The following ADCY1 variants were observed in gnomAD, a reference collection of about 807,000 sequenced individuals.
The protein encoded by ADCY1 is adenylate cyclase type 1.
A neutral mutation model predicts 105.4 loss-of-function variants in ADCY1; 28 were observed. That is an observed-to-expected ratio of 0.27 (90% CI 0.20 to 0.36). ADCY1 has a LOEUF of 0.36. ADCY1 is among the 10% of genes least tolerant of loss of function. The pLI, the probability that ADCY1 is intolerant of heterozygous loss-of-function variation, is 1.00. For synonymous variants in ADCY1, 655 were observed against 623.8 expected, an observed-to-expected ratio of 1.05 and a Z score of -0.75; for missense variants, 977 against 1,434.2, an observed-to-expected ratio of 0.68 and a Z score of 5.15.
rs2116299198 is a variant in ADCY1, at chr7:45,717,304, C to T, written c.*3309C>T. On this transcript the variant is annotated 3_prime_UTR_variant, in exon 20 of 20. Transcript: ENST00000297323. ...GTCTCCACTTCAGGGGCAAACATCT[C>T]CATCATCAGCAACTCCAAACCCCAG... 1 of 152,492 alleles carries T rather than the reference C, an allele frequency of 6.6e-6. No individual in the cohort carries two copies. The highest frequency in any genetic ancestry group is 2.1e-4 in the South Asian group (1 of 4,818). 9.4% of individuals were successfully genotyped at this position (152,492 alleles called of 1,614,324 possible). A position where few individuals can be genotyped will look rare whatever the true frequency, so the allele number is the denominator to read the frequency against.
intron 2 of ADCY1, among the ~76,000 whole-genome samples, chr7:45,607,119 C>A (rs1793396880): frequency 6.6e-6 from 1 of 152,116 alleles, no homozygotes; most frequent in African/African-American, 2.4e-5. Context: ...GGCTTAGATG[C>A]TGCTGCTAAT....
At chr7:45,679,041 G>A (rs77682771) in intron 10 of ADCY1, among the ~76,000 whole-genome samples, 6,839 of 152,268 alleles carry the variant, frequency 0.045, 402 homozygotes, top group Admixed American at 0.17. Flanking sequence ...CATCATATAA[G>A]TAAATGTGAG....
At chr7:45,619,725 G>A in intron 3 of ADCY1, among the ~76,000 whole-genome samples, 1 of 152,148 alleles carries the variant, frequency 6.6e-6, no homozygotes, top group East Asian at 1.9e-4. Flanking sequence ...CTAGGGAAAG[G>A]AGGCAGAGGA....
chr7:45,608,232 C>A (rs766337247), intron 2 of ADCY1, among the ~76,000 whole-genome samples: 3 of 152,070 alleles, frequency 2.0e-5, no homozygotes, highest in Non-Finnish European at 2.9e-5. Flanking sequence ...TTTGTTGGCT[C>A]CTTGTATGTC....
chr7:45,717,364 A>G lies in ADCY1; in HGVS notation c.*3369A>G, dbSNP rs1270005725. The G allele has an allele frequency of 6.6e-6, 1 of 152,610 alleles. No individual in the cohort carries two copies. The highest frequency in any genetic ancestry group is 1.5e-5 in the Non-Finnish European group (1 of 68,048). The allele number at this position is 152,610 out of a possible 1,614,324, so 9.5% of individuals were successfully genotyped here. On this transcript the variant is annotated 3_prime_UTR_variant, in exon 20 of 20. Transcript: ENST00000297323. ...GGGAGTTCAGGAACTGTGTTTAGCCATAATGTCCCTTGGGGTTTGGTGAAA... is the reference window on the plus strand; with the variant it reads ...GGGAGTTCAGGAACTGTGTTTAGCCGTAATGTCCCTTGGGGTTTGGTGAAA...
In ADCY1 at chr7:45,722,577, A is replaced by G. The variant is rs184222642; in HGVS notation, c.*8582A>G. On this transcript the variant is annotated 3_prime_UTR_variant, in exon 20 of 20. Transcript: ENST00000297323. ...CCGCTCAAACAACAATGTCCTTATT[A>G]TGATGACCATCTCGTAGTGGTACAT... 6.6e-6 allele frequency: 1 copy of G among 152,338 alleles called. No homozygotes were observed. Among genetic ancestry groups the G allele is most frequent in the East Asian group, 1.9e-4 (1 of 5,180 alleles). 9.4% of individuals were successfully genotyped at this position (152,338 alleles called of 1,614,324 possible). A position where few individuals can be genotyped will look rare whatever the true frequency, so the allele number is the denominator to read the frequency against.
chr7:45,611,455 A>G (rs998532797), intron 3 of ADCY1, among the ~76,000 whole-genome samples: 2 of 152,126 alleles, frequency 1.3e-5, no homozygotes, highest in Non-Finnish European at 2.9e-5. Context: ...AGAATTTGCC[A>G]TGTCAGAATA....
intron 1 of ADCY1, among the ~76,000 whole-genome samples, chr7:45,586,840 C>A (rs888661909): frequency 2.0e-5 from 3 of 152,206 alleles, no homozygotes; most frequent in Middle Eastern, 3.2e-3. Flanking sequence ...GTGCAGGGAG[C>A]AGTTGTGTGG....
At chr7:45,582,528 G>A (rs1432066386) in intron 1 of ADCY1, among the ~76,000 whole-genome samples, 2 of 150,600 alleles carry the variant, frequency 1.3e-5, no homozygotes, top group African/African-American at 2.4e-5. Flanking sequence ...TCTGCCACTC[G>A]GCTGTGCCCC....
chr7:45,607,730 A>T (rs1256929133), intron 2 of ADCY1, among the ~76,000 whole-genome samples: 1 of 152,234 alleles, frequency 6.6e-6, no homozygotes, highest in East Asian at 1.9e-4. Context: ...GTGTTACTTC[A>T]GTGGCCTCCA....
rs562755182 is a variant in ADCY1 at position 45,609,417 on chromosome 7, G to T, written c.790-962G>T. ...TCCTTGGAGGGAGGGAATGCTGCTGGCACTGAGCACGACAGGCCGCTGCGG... is the reference window on the plus strand; with the variant it reads ...TCCTTGGAGGGAGGGAATGCTGCTGTCACTGAGCACGACAGGCCGCTGCGG... On this transcript the variant is annotated intron_variant, in intron 2 of 19. Transcript: ENST00000297323. Among the ~76,000 whole-genome samples the T allele has an allele frequency of 3.9e-5, 6 of 152,356 alleles. No homozygotes were observed. The South Asian group carries it at 8.3e-4, about 21-fold the overall frequency.
At position 45,686,906 on chromosome 7, in the gene ADCY1, G is replaced by T. The variant is rs2116213350; in HGVS notation, c.2454+233G>T. On this transcript the variant is annotated intron_variant, in intron 14 of 19. Coordinates refer to ENST00000297323, the MANE Select transcript of ADCY1 (RefSeq NM_021116.4). The surrounding 1 kb of genome is among the most constrained non-coding windows in gnomAD (Gnocchi z 4.3). ...AGGACAGTTCAGAAGGTTGTGGGGT[G>T]CATGTTGTGGAGACCTGCCTGATGG... 6.6e-6 allele frequency among the ~76,000 whole-genome samples: 1 copy of T among 152,328 alleles called. No homozygotes were observed. The highest frequency in any genetic ancestry group is 1.9e-4 in the East Asian group (1 of 5,170).
intron 3 of ADCY1, among the ~76,000 whole-genome samples, chr7:45,613,055 G>A (rs770350056): frequency 3.3e-5 from 5 of 152,138 alleles, no homozygotes; most frequent in Non-Finnish European, 5.9e-5. Context: ...GAGAGTTAAG[G>A]AAAGTTAAGA....
chr7:45,595,994 G>A (rs1475552519), intron 2 of ADCY1, among the ~76,000 whole-genome samples: 1 of 152,242 alleles, frequency 6.6e-6, no homozygotes, highest in Non-Finnish European at 1.5e-5. Flanking sequence ...GATGGCAGAG[G>A]GGAGCACTTG....
At chr7:45,696,745 C>A (rs987309585) in intron 14 of ADCY1, among the ~76,000 whole-genome samples, 5 of 152,128 alleles carry the variant, frequency 3.3e-5, no homozygotes, top group African/African-American at 1.2e-4. Flanking sequence ...TATGCTTCTC[C>A]CTAGACTCTC....
intron 1 of ADCY1, among the ~76,000 whole-genome samples, 160 bp from the exon 2 acceptor site, chr7:45,592,599 C>G (rs1792954475): frequency 6.6e-6 from 1 of 152,182 alleles, no homozygotes; most frequent in Non-Finnish European, 1.5e-5. Flanking sequence ...AGGACGAGCT[C>G]CTGCCCGGCT....
At chr7:45,625,439 C>T (rs1162210951) in intron 4 of ADCY1, among the ~76,000 whole-genome samples, 1 of 152,102 alleles carries the variant, frequency 6.6e-6, no homozygotes, top group East Asian at 1.9e-4. Flanking sequence ...ATGTGTGTGC[C>T]TGTACATATG....
chr7:45,721,606 T>G lies in ADCY1; in HGVS notation c.*7611T>G, dbSNP rs773420003. The G allele has an allele frequency of 1.2e-4, 48 of 398,404 alleles. No homozygotes were observed. Among genetic ancestry groups the G allele is most frequent in the Non-Finnish European group, 1.9e-4 (44 of 226,056 alleles). 24.7% of individuals were successfully genotyped at this position (398,404 alleles called of 1,614,324 possible). ...AAGGCCATTGGTTGTATTTGCTACTTTTACTTTCATCTTCCTCTGCTGTAG... is the reference window on the plus strand; with the variant it reads ...AAGGCCATTGGTTGTATTTGCTACTGTTACTTTCATCTTCCTCTGCTGTAG... On this transcript the variant is annotated 3_prime_UTR_variant, in exon 20 of 20. Coordinates refer to ENST00000297323, the MANE Select transcript of ADCY1 (RefSeq NM_021116.4).
chr7:45,722,342 G>T lies in ADCY1; in HGVS notation c.*8347G>T, dbSNP rs1411750899. On this transcript the variant is annotated 3_prime_UTR_variant, in exon 20 of 20. Transcript: ENST00000297323. ...GAACTTAGTTTGAATTTGAAATCAC[G>T]CCGCATGCACAAAGGGACAGGCCCA... The T allele has an allele frequency of 6.6e-6, 1 of 152,450 alleles. No individual in the cohort carries two copies. Among genetic ancestry groups the T allele is most frequent in the Non-Finnish European group, 1.5e-5 (1 of 68,216 alleles). The allele number at this position is 152,450 out of a possible 1,614,324, so 9.4% of individuals were successfully genotyped here.
Sources: gnomAD v4.1 joint callset for allele counts (sites outside exome capture counted in the v4.1 genomes callset) on GRCh38, gnomAD v4.1.1 for gene constraint, Gnocchi (gnomAD v3.1) non-coding constraint, MANE v1.5 for transcripts, NCBI Gene and HGNC (gene_info 2026-07-23, HGNC 2026-07-21) for gene names.